Variants in FUT8 observed in about 807,000 individuals in gnomAD.
FUT8 encodes fucosyltransferase 8.
FUT8 carries 29 observed loss-of-function variants against 71.3 expected under a neutral mutation model. The ratio of observed to expected loss-of-function variants is 0.41; its 90% confidence interval spans 0.30 to 0.55. The LOEUF is 0.55. Among genes scored for constraint, FUT8 ranks in the 20% least tolerant of loss-of-function variants. The pLI is 0.34. For missense variants in FUT8, 544 were observed against 702.1 expected (o/e 0.77, Z 2.55); for synonymous variants, 254 against 239.3 (o/e 1.06, Z -0.57).
chr14:65,412,079 C>T (rs1399023469), upstream of FUT8: 2 of 456,620 alleles, frequency 4.4e-6, no homozygotes, highest in Non-Finnish European at 8.8e-6. Flanking sequence ...CTCAGAGGGG[C>T]TGTCGCAGCC....
In FUT8 at chr14:65,412,905, C is replaced by T. The variant is rs1566731511; in HGVS notation, c.-635C>T. On this transcript the variant is annotated 5_prime_UTR_variant, in exon 1 of 11. Transcript: ENST00000673929. Reference sequence around the variant, plus strand: ...GGCCCCAGCCGACCCGTCCCTTCGTCTCCCCGCGGAATGGGGCCGGCACTG... The same window carrying T: ...GGCCCCAGCCGACCCGTCCCTTCGTTTCCCCGCGGAATGGGGCCGGCACTG... 1 of 156,966 alleles carries T rather than the reference C, an allele frequency of 6.4e-6. No homozygotes were observed. The highest frequency in any genetic ancestry group is 1.4e-5 in the Non-Finnish European group (1 of 71,362). 9.7% of individuals were successfully genotyped at this position (156,966 alleles called of 1,614,324 possible).
chr14:65,391,022 G>A, the FUT8 span, among the ~76,000 whole-genome samples: 377 of 152,156 alleles, frequency 2.5e-3, 1 homozygote, highest in Middle Eastern at 0.014. Flanking sequence ...CACTGCGCCC[G>A]GCCTAATTTC....
intron 3 of FUT8, among the ~76,000 whole-genome samples, chr14:65,608,059 G>A (rs1445441578): frequency 5.0e-5 from 4 of 80,396 alleles, no homozygotes; most frequent in Admixed American, 1.6e-4. Flanking sequence ...GCTAGACTCC[G>A]TCTCAAAAAA....
At chr14:65,458,557 T>C (rs1378218781) in intron 2 of FUT8, among the ~76,000 whole-genome samples, 1 of 152,188 alleles carries the variant, frequency 6.6e-6, no homozygotes, top group Non-Finnish European at 1.5e-5. Context: ...TAAAAAGGTC[T>C]TGAGAAAGTA....
At position 65,643,484 on chromosome 14, in the gene FUT8, C is replaced by G. The variant is rs1013218664; in HGVS notation, c.597+13878C>G. Among the ~76,000 whole-genome samples the G allele has an allele frequency of 6.6e-6, 1 of 152,062 alleles. No homozygotes were observed. Among genetic ancestry groups the G allele is most frequent in the South Asian group, 2.1e-4 (1 of 4,814 alleles). On this transcript the variant is annotated intron_variant, in intron 6 of 10. Coordinates refer to ENST00000673929, the MANE Select transcript of FUT8 (RefSeq NM_001371533.1). The surrounding 1 kb of genome is among the most constrained non-coding windows in gnomAD (Gnocchi z 4.5). ...CCTGGCTAACATGGTGAAACCCTGT[C>G]TCTACTAAAAATACAAAAGATTAGC...
At position 65,721,757 on chromosome 14, in the gene FUT8, A is replaced by G. The variant is rs1365781244; in HGVS notation, c.836-18A>G. The stretch of plus-strand genomic sequence containing the variant: ...AGGAATACCATGTGGTAATGATTAT[A>G]TGTTTCAATATTGTCAGGTGAAGTG... On this transcript the variant is annotated intron_variant, in intron 7 of 10. Coordinates refer to ENST00000673929, the MANE Select transcript of FUT8 (RefSeq NM_001371533.1). 2.5e-6 allele frequency: 4 copies of G among 1,613,562 alleles called. No homozygotes were observed. In the South Asian group the frequency reaches 3.3e-5, roughly 13 times the overall value.
At chr14:65,691,487 T>A (rs1331568159) in intron 7 of FUT8, among the ~76,000 whole-genome samples, 1 of 152,102 alleles carries the variant, frequency 6.6e-6, no homozygotes, top group Non-Finnish European at 1.5e-5. Flanking sequence ...ATTATTAAAT[T>A]ATTTATCTCC....
chr14:65,641,190 C>G (rs1890811946), intron 6 of FUT8, among the ~76,000 whole-genome samples: 1 of 152,128 alleles, frequency 6.6e-6, no homozygotes, highest in Non-Finnish European at 1.5e-5. Flanking sequence ...CACCTTCATC[C>G]ACAGGTTTAA....
In FUT8 at chr14:65,507,697, G is replaced by A. The variant is rs184461401; in HGVS notation, c.-228+51979G>A. 1.6e-3 allele frequency among the ~76,000 whole-genome samples: 238 copies of A among 152,136 alleles called. 1 individual carries two copies. The highest frequency in any genetic ancestry group is 2.5e-3 in the Non-Finnish European group (172 of 67,994). On this transcript the variant is annotated intron_variant, in intron 2 of 10. Coordinates refer to ENST00000673929, the MANE Select transcript of FUT8 (RefSeq NM_001371533.1). The stretch of plus-strand genomic sequence containing the variant: ...TGTACCACATTTTCTTTGTTCATTC[G>A]TCTGCTAATGGACACTTAGCTTGCT...
intron 6 of FUT8, among the ~76,000 whole-genome samples, chr14:65,647,128 TAGTCATTACAG>T (rs1273022159): frequency 2.0e-5 from 3 of 152,226 alleles, no homozygotes; most frequent in East Asian, 3.8e-4. Flanking sequence ...TGTGACATTC[TAGTCATTACAG>T]TGATGTTATA....
intron 2 of FUT8, among the ~76,000 whole-genome samples, chr14:65,464,016 A>G (rs1036217086): frequency 1.3e-5 from 2 of 152,206 alleles, no homozygotes; most frequent in African/African-American, 4.8e-5. Flanking sequence ...AAAAAAGGAA[A>G]CAAAGGAGGA....
chr14:65,409,989 G>A (rs987033319), upstream of FUT8, among the ~76,000 whole-genome samples: 60 of 152,282 alleles, frequency 3.9e-4, no homozygotes, highest in African/African-American at 1.4e-3. The surrounding 1 kb of genome is among the most constrained non-coding windows in gnomAD (Gnocchi z 5.4). Context: ...AGCAGCAGAG[G>A]CAAGCAGTTG....
intron 1 of FUT8, among the ~76,000 whole-genome samples, chr14:65,432,780 A>C (rs1214450357): frequency 6.6e-6 from 1 of 152,194 alleles, no homozygotes; most frequent in South Asian, 2.1e-4. Context: ...TACAAATGCC[A>C]TGGCAATGTC....
chr14:65,721,655 T>C, intron 7 of FUT8, 120 bp from the exon 8 acceptor site: 1 of 998,336 alleles, frequency 1.0e-6, no homozygotes. Context: ...CTTTGTAAAG[T>C]GAAGATTATA....
intron 3 of FUT8, among the ~76,000 whole-genome samples, chr14:65,563,441 A>G (rs2140051052): frequency 6.6e-6 from 1 of 152,152 alleles, no homozygotes. Context: ...CACAAGTGGT[A>G]GAGCCTACTT....
Position 65,471,447 on chromosome 14 carries a change from T to G in FUT8, c.-228+15729T>G, listed in dbSNP as rs2066145359. On this transcript the variant is annotated intron_variant, in intron 2 of 10. Transcript: ENST00000673929. ...CTGCTGCAAGCAGGAGGGGTTTTTT[T>G]TCAGATCTTTACCATGAGAACCTGG... Among the ~76,000 whole-genome samples the G allele has an allele frequency of 2.0e-5, 3 of 152,154 alleles. No individual in the cohort carries two copies. The South Asian group carries it at 6.2e-4, about 32-fold the overall frequency.
intron 2 of FUT8, among the ~76,000 whole-genome samples, chr14:65,547,253 AGCTTACACTGT>A (rs1409196797): frequency 3.3e-5 from 5 of 151,476 alleles, no homozygotes; most frequent in Non-Finnish European, 5.9e-5. Context: ...ACATTCATAG[AGCTTACACTGT>A]GAACCTTTTA....
intron 1 of FUT8, among the ~76,000 whole-genome samples, chr14:65,439,954 G>GTACATATATATATATATATATATA (rs1378430231): frequency 2.7e-5 from 2 of 74,984 alleles, no homozygotes; most frequent in East Asian, 1.2e-3. Flanking sequence ...GTGTGTGTGT[G>GTACATATATATATATATATATATA]TATATATATA....
intron 8 of FUT8, 120 bp downstream of exon 8, chr14:65,722,141 G>A: frequency 8.0e-7 from 1 of 1,255,414 alleles, no homozygotes; most frequent in Non-Finnish European, 1.1e-6. Context: ...CCAAAGGACA[G>A]AGGTTCTAGA....
Sources: allele counts gnomAD v4.1 joint callset (sites outside exome capture counted in the v4.1 genomes callset), GRCh38; gene constraint gnomAD v4.1.1; non-coding constraint Gnocchi (gnomAD v3.1); transcripts MANE v1.5; gene names NCBI Gene and HGNC (gene_info 2026-07-23, HGNC 2026-07-21).